The following SHANK2 variants were observed in gnomAD, a reference collection of about 807,000 sequenced individuals.
The protein encoded by SHANK2 is SH3 and multiple ankyrin repeat domains protein 2.
A neutral mutation model predicts 133.7 loss-of-function variants in SHANK2; 43 were observed. That is an observed-to-expected ratio of 0.32 (90% CI 0.25 to 0.41). The LOEUF is 0.41. Ranked by LOEUF, SHANK2 falls within the 10% of genes least tolerant of loss-of-function variation. SHANK2 has a pLI of 1.00. For synonymous variants in SHANK2, 1,017 were observed against 952.8 expected, an observed-to-expected ratio of 1.07 and a Z score of -1.24; for missense variants, 1,994 against 2,235.8, an observed-to-expected ratio of 0.89 and a Z score of 2.18.
chr11:70,679,134 G>A (rs1555017851), intron 15 of SHANK2, among the ~76,000 whole-genome samples: 1 of 152,222 alleles, frequency 6.6e-6, no homozygotes, highest in East Asian at 1.9e-4. Flanking sequence ...CCGCAACGCT[G>A]GGCTCTGGCA....
chr11:71,220,032 T>A (rs900542054), intron 2 of SHANK2, among the ~76,000 whole-genome samples: 1 of 152,010 alleles, frequency 6.6e-6, no homozygotes, highest in Non-Finnish European at 1.5e-5. Context: ...AAGACCAGCC[T>A]GGACAACATA....
intron 17 of SHANK2, among the ~76,000 whole-genome samples, chr11:70,582,504 A>G (rs1445226664): frequency 1.3e-5 from 2 of 152,246 alleles, no homozygotes; most frequent in African/African-American, 4.8e-5. Flanking sequence ...GGCGGCAGGC[A>G]GCAGATATAA....
chr11:70,525,799 GT>G (rs1221727135), intron 17 of SHANK2, among the ~76,000 whole-genome samples: 1 of 151,980 alleles, frequency 6.6e-6, no homozygotes, highest in Non-Finnish European at 1.5e-5. Flanking sequence ...CCCCAGGGAT[GT>G]GGCTCCTTTA....
intron 11 of SHANK2, among the ~76,000 whole-genome samples, chr11:70,822,779 CAG>C (rs1948554322): frequency 9.4e-6 from 1 of 106,778 alleles, no homozygotes; most frequent in African/African-American, 3.8e-5. Flanking sequence ...TCATGGGGGA[CAG>C]AGGTGGCGCT....
intron 6 of SHANK2, among the ~76,000 whole-genome samples, chr11:71,100,421 A>C (rs1399510689): frequency 2.0e-5 from 3 of 152,244 alleles, no homozygotes; most frequent in Non-Finnish European, 4.4e-5. Context: ...AGACAACAAG[A>C]TGTTGTTCAA....
intron 10 of SHANK2, among the ~76,000 whole-genome samples, chr11:70,929,406 C>A (rs1452957750): frequency 1.3e-5 from 2 of 152,200 alleles, no homozygotes; most frequent in African/African-American, 4.8e-5. Flanking sequence ...TGAATGTATG[C>A]TCTTACTGTT....
chr11:71,074,872 T>C (rs1005547108), intron 9 of SHANK2, among the ~76,000 whole-genome samples: 85 of 148,884 alleles, frequency 5.7e-4, no homozygotes, highest in African/African-American at 2.0e-3. Context: ...CTCCGCCTCC[T>C]GGGTTCACGC....
intron 11 of SHANK2, chr11:70,862,996 T>A (rs1949286113): frequency 6.5e-6 from 2 of 306,624 alleles, no homozygotes; most frequent in Non-Finnish European, 1.3e-5. Flanking sequence ...GGACATGGGC[T>A]AAAAGGTGTG....
At chr11:70,901,313 T>C (rs1950019641) in intron 10 of SHANK2, among the ~76,000 whole-genome samples, 2 of 152,124 alleles carry the variant, frequency 1.3e-5, no homozygotes, top group South Asian at 2.1e-4. Context: ...TTGTAAAAAA[T>C]AGAAGCATAA....
chr11:70,507,376 A>AT (rs1237555541), intron 17 of SHANK2, among the ~76,000 whole-genome samples: 1 of 152,206 alleles, frequency 6.6e-6, no homozygotes, highest in Admixed American at 6.5e-5. Flanking sequence ...ACTGATTTCT[A>AT]TTTCCTACGG....
Position 70,485,894 on chromosome 11 carries a change from T to C in SHANK2, c.4399A>G (p.Ser1467Gly). The C allele has an allele frequency of 6.2e-7, 1 of 1,614,160 alleles. No individual in the cohort carries two copies. The highest frequency in any genetic ancestry group is 8.5e-7 in the Non-Finnish European group (1 of 1,180,032). Reference sequence around the variant, plus strand: ...GAGGCAGGCAGACAGTTTGAAAGACTGGCTGGCTTCTTGCTGTCTGCAGAG... The same window carrying C: ...GAGGCAGGCAGACAGTTTGAAAGACCGGCTGGCTTCTTGCTGTCTGCAGAG... ...TNSADSKKPA[S>G]LSNCLPASFL... The change falls in exon 25 of 26, where the codon AGT becomes GGT. Residue 1467 changes from serine (S) to glycine (G), a missense_variant. By Grantham distance (56) the Ser-to-Gly change is moderately conservative (BLOSUM62 0). Around this residue, in one of 5 missense-constraint regions of SHANK2, gnomAD observed 797 missense variants for 907.4 expected, o/e 0.88. Coordinates refer to ENST00000601538, the MANE Select transcript of SHANK2 (RefSeq NM_012309.5). This position sits in a 1 kb window ranked among gnomAD's most constrained non-coding sequence, Gnocchi z 5.8.
intron 17 of SHANK2, among the ~76,000 whole-genome samples, chr11:70,609,620 T>C (rs939777388): frequency 8.6e-5 from 13 of 152,020 alleles, no homozygotes; most frequent in African/African-American, 3.1e-4. Context: ...GGATATATGA[T>C]AGAATGGAAT....
In SHANK2 at chr11:71,075,855, G is replaced by A. The variant is rs1037466622; in HGVS notation, c.913-580C>T. On this transcript the variant is annotated intron_variant, in intron 8 of 25. Transcript: ENST00000601538. ...CAGGGGTAGGGCAGACCCATACTAT[G>A]ATAACTCCTCTCTGAGAACTGCAAC... is the stretch of plus-strand genomic sequence containing the variant. Among the ~76,000 whole-genome samples the A allele has an allele frequency of 2.0e-4, 30 of 152,314 alleles. No homozygotes were observed. In the East Asian group the frequency reaches 4.6e-3, roughly 24 times the overall value.
At chr11:70,502,730 T>TGGGGGGGGGGGGGGGGGGGGGGGGGGGG in intron 18 of SHANK2, 66 bp downstream of exon 18, 2 of 772,454 alleles carry the variant, frequency 2.6e-6, no homozygotes, top group Non-Finnish European at 3.8e-6. Context: ...CCAGCTGTCC[T>TGGGGGGGGGGGGGGGGGGGGGGGGGGGG]GCCCGCCCCC....
chr11:71,069,905 G>A, intron 9 of SHANK2, among the ~76,000 whole-genome samples: 1 of 152,196 alleles, frequency 6.6e-6, no homozygotes. Context: ...GCCCTGTATG[G>A]CACCCTTTCT....
intron 10 of SHANK2, among the ~76,000 whole-genome samples, chr11:70,944,306 G>A (rs111921037): frequency 1.3e-5 from 2 of 152,116 alleles, no homozygotes; most frequent in African/African-American, 2.4e-5. Flanking sequence ...CACCTAGGCC[G>A]AAGCTCCACA....
intron 17 of SHANK2, among the ~76,000 whole-genome samples, chr11:70,613,206 T>C (rs1235978361): frequency 2.0e-5 from 3 of 152,116 alleles, no homozygotes; most frequent in African/African-American, 7.2e-5. Context: ...CATGTTTTTC[T>C]TTTTTCTTTT....
chr11:70,905,823 T>C (rs1318649984), intron 10 of SHANK2, among the ~76,000 whole-genome samples: 24 of 151,306 alleles, frequency 1.6e-4, no homozygotes, highest in Admixed American at 1.6e-3. Flanking sequence ...TTTTTTTTTT[T>C]TTTTTGAGAC....
intron 14 of SHANK2, among the ~76,000 whole-genome samples, chr11:70,766,150 C>T (rs1488318330): frequency 6.6e-6 from 1 of 152,242 alleles, no homozygotes; most frequent in Non-Finnish European, 1.5e-5. Flanking sequence ...ACCTTTCGCT[C>T]TTCCTCTATT....
Sources: allele counts gnomAD v4.1 joint callset (sites outside exome capture counted in the v4.1 genomes callset), GRCh38; gene constraint gnomAD v4.1.1; regional missense constraint gnomAD v4.1.1; non-coding constraint Gnocchi (gnomAD v3.1); transcripts MANE v1.5; gene names NCBI Gene and HGNC (gene_info 2026-07-23, HGNC 2026-07-21).